Variants in TIAM1 observed in about 807,000 individuals in gnomAD.
The protein encoded by TIAM1 is TIAM Rac1 associated GEF 1.
A neutral mutation model predicts 163.5 loss-of-function variants in TIAM1; 65 were observed. The ratio of observed to expected loss-of-function variants is 0.40; its 90% CI spans 0.33 to 0.49. The LOEUF (loss-of-function observed/expected upper bound fraction) is 0.49, where lower values mean the gene tolerates loss of function less well. TIAM1 is among the 20% of genes least tolerant of loss of function. The probability of loss-of-function intolerance (pLI) is 0.77; values close to 1 mark genes in which losing one functional copy is unlikely to be tolerated. For synonymous variants in TIAM1, 833 were observed against 810.1 expected (o/e 1.03, Z -0.48); for missense variants, 1,789 against 2,044.7 (o/e 0.87, Z 2.41).
At chr21:31,340,989 G>C (rs1162638663) in intron 1 of TIAM1, among the ~76,000 whole-genome samples, 1 of 152,144 alleles carries the variant, frequency 6.6e-6, no homozygotes, top group Non-Finnish European at 1.5e-5. Context: ...ATAATGAAGA[G>C]AGAACAAATG....
chr21:31,545,160 A>G (rs375949658), intron 1 of TIAM1, among the ~76,000 whole-genome samples: 1 of 152,354 alleles, frequency 6.6e-6, no homozygotes, highest in East Asian at 1.9e-4. Context: ...ATAACCTTAT[A>G]AGAGAAAGGG....
chr21:31,359,452 G>T (rs1247574811), intron 2 of TIAM1, among the ~76,000 whole-genome samples: 4 of 151,878 alleles, frequency 2.6e-5, no homozygotes, highest in African/African-American at 9.7e-5. Flanking sequence ...GAAGCATAAA[G>T]GGACAAAAAT....
chr21:31,408,335 G>A (rs2077285314), intron 2 of TIAM1, among the ~76,000 whole-genome samples: 1 of 152,160 alleles, frequency 6.6e-6, no homozygotes, highest in Non-Finnish European at 1.5e-5. Flanking sequence ...ACATCAAGTG[G>A]TCATCCTGAT....
At chr21:31,357,080 A>G (rs1352348582) in intron 2 of TIAM1, among the ~76,000 whole-genome samples, 1 of 152,228 alleles carries the variant, frequency 6.6e-6, no homozygotes, top group African/African-American at 2.4e-5. Context: ...CCTTTTGGCA[A>G]AAACATCTGG....
intron 2 of TIAM1, among the ~76,000 whole-genome samples, chr21:31,311,246 G>A (rs929574968): frequency 6.6e-6 from 1 of 152,114 alleles, no homozygotes; most frequent in South Asian, 2.1e-4. Flanking sequence ...CCCTCCAAAG[G>A]GGAGCAGGAG....
intron 1 of TIAM1, among the ~76,000 whole-genome samples, chr21:31,464,201 C>T (rs1429922128): frequency 6.6e-6 from 1 of 152,008 alleles, no homozygotes; most frequent in Non-Finnish European, 1.5e-5. Flanking sequence ...AAACAAAGGC[C>T]GTAAAATTAG....
intron 2 of TIAM1, among the ~76,000 whole-genome samples, chr21:31,350,614 T>C (rs1033492952): frequency 6.6e-6 from 1 of 152,100 alleles, no homozygotes; most frequent in Non-Finnish European, 1.5e-5. Flanking sequence ...TCTCCCCGCA[T>C]CTCTCTTTTG....
At chr21:31,299,111 TTCTTG>T (rs1482557363) in intron 2 of TIAM1, among the ~76,000 whole-genome samples, 1 of 152,214 alleles carries the variant, frequency 6.6e-6, no homozygotes, top group Non-Finnish European at 1.5e-5. Context: ...AATCATGGGT[TTCTTG>T]TCTTGTTTTG....
At chr21:31,202,712 G>A (rs567884589) in intron 12 of TIAM1, among the ~76,000 whole-genome samples, 196 bp downstream of exon 12, 16 of 152,302 alleles carry the variant, frequency 1.1e-4, no homozygotes, top group South Asian at 4.1e-4. Context: ...GCACTGCTTC[G>A]TGCGTAAACA....
rs1032195474 is a variant in TIAM1, at chr21:31,466,734, C to A, written c.-421-2699G>T. ...CAGTAATACCTGACACCACATAACA[C>A]CTTCTAGTTTCTCCATTTCTTCCCG... is the stretch of plus-strand genomic sequence containing the variant. On this transcript the variant is annotated intron_variant, in intron 1 of 28. Transcript: ENST00000286827. Among the ~76,000 whole-genome samples the A allele has an allele frequency of 2.0e-5, 3 of 152,188 alleles. No individual in the cohort carries two copies. The South Asian group carries it at 6.2e-4, about 31-fold the overall frequency.
chr21:31,319,844 A>C (rs1601947286), intron 2 of TIAM1, among the ~76,000 whole-genome samples: 1 of 151,546 alleles, frequency 6.6e-6, no homozygotes, highest in South Asian at 2.1e-4. Context: ...GTACCTCACC[A>C]TGGTTTTGAT....
chr21:31,279,130 A>T (rs969739666), intron 2 of TIAM1, among the ~76,000 whole-genome samples: 1 of 150,866 alleles, frequency 6.6e-6, no homozygotes, highest in African/African-American at 2.4e-5. Context: ...AAAATATATA[A>T]ATAAATAAAT....
chr21:31,443,003 C>G lies in TIAM1; in HGVS notation c.-369+20980G>C, dbSNP rs113060051. Among the ~76,000 whole-genome samples the G allele has an allele frequency of 3.1e-3, 466 of 152,316 alleles. 3 individuals are homozygous for G. The highest frequency in any genetic ancestry group is 0.011 in the African/African-American group (451 of 41,564). On this transcript the variant is annotated intron_variant, in intron 2 of 28. Coordinates refer to the TIAM1 transcript ENST00000286827. ...TATTAAATAGCAAATTGCAATGCGG[C>G]TCCTATGTACATGTTACCCAGGATT...
intron 19 of TIAM1, among the ~76,000 whole-genome samples, chr21:31,149,438 A>G (rs981944100): frequency 3.3e-5 from 5 of 152,148 alleles, no homozygotes; most frequent in African/African-American, 1.2e-4. Flanking sequence ...TCAGATTTTC[A>G]GATTTGAGAT....
rs528181306 is a variant in TIAM1 at position 31,479,394 on chromosome 21, TGG to T, written c.-421-15361_-421-15360del. ...TTGGATGGATGGATGGATGGATGGA[TGG>T]ATGGACGGAGGGGCGGGCGGATGGA... On this transcript the variant is annotated intron_variant, in intron 1 of 28. Transcript: ENST00000286827. Among the ~76,000 whole-genome samples, 41 of 151,172 alleles carry T rather than the reference TGG, an allele frequency of 2.7e-4. No individual in the cohort carries two copies. The East Asian group carries it at 5.4e-3, about 20-fold the overall frequency.
At chr21:31,369,150 C>T (rs905837703) in intron 2 of TIAM1, among the ~76,000 whole-genome samples, 17 of 145,944 alleles carry the variant, frequency 1.2e-4, no homozygotes, top group Admixed American at 3.5e-4. Context: ...AGCGTGAACC[C>T]GGGAGGCGGA....
chr21:31,372,710 CTGTAATCCCCCAGCACA>C (rs2076616549), intron 2 of TIAM1, among the ~76,000 whole-genome samples: 1 of 152,154 alleles, frequency 6.6e-6, no homozygotes, highest in African/African-American at 2.4e-5. Flanking sequence ...TGGCTTACAC[CTGTAATCCCCCAGCACA>C]TTGGAAGGCC....
chr21:31,304,802 C>T (rs543114854), intron 2 of TIAM1, among the ~76,000 whole-genome samples: 8 of 152,308 alleles, frequency 5.3e-5, no homozygotes, highest in Admixed American at 1.3e-4. Context: ...AAGCGATTCT[C>T]GTGCCGCAGC....
Position 31,361,890 on chromosome 21 carries a change from T to G in TIAM1, c.-368-22468A>C, listed in dbSNP as rs2076413624. On this transcript the variant is annotated intron_variant, in intron 2 of 28. Coordinates refer to the TIAM1 transcript ENST00000286827. ...ATAGATAGATAGATAGACAGACATGTGTATACATTTGGTATGTATACATAT... is the reference window on the plus strand; with the variant it reads ...ATAGATAGATAGATAGACAGACATGGGTATACATTTGGTATGTATACATAT... Among the ~76,000 whole-genome samples, 5 of 145,348 alleles carry G rather than the reference T, an allele frequency of 3.4e-5. No individual in the cohort carries two copies. In the South Asian group the frequency reaches 1.1e-3, roughly 32 times the overall value.
Sources: allele counts gnomAD v4.1 joint callset (sites outside exome capture counted in the v4.1 genomes callset), GRCh38; gene constraint gnomAD v4.1.1; transcripts MANE v1.5; gene names NCBI Gene and HGNC (gene_info 2026-07-23, HGNC 2026-07-21).